SGCG: variants seen among roughly 807,000 people sequenced by gnomAD.
SGCG encodes the protein gamma-sarcoglycan.
In SGCG, 26 loss-of-function variants were observed where a neutral mutation model predicts 29.3. The observed-to-expected ratio is 0.89, with a 90% CI of 0.65 to 1.23. The LOEUF (loss-of-function observed/expected upper bound fraction) is 1.23. SGCG is among the 50% of genes most tolerant of loss of function. SGCG has a pLI of 0.00. For synonymous variants in SGCG, 145 were observed against 129.7 expected (o/e 1.12, Z -0.80); for missense variants, 353 against 356.0 (o/e 0.99, Z 0.07).
At chr13:23,300,195 G>C (rs1411520780) in intron 6 of SGCG, among the ~76,000 whole-genome samples, 1 of 152,178 alleles carries the variant, frequency 6.6e-6, no homozygotes, top group Non-Finnish European at 1.5e-5. Flanking sequence ...TGTGTGGATG[G>C]AAACATTTGC....
At chr13:23,210,692 A>T (rs1420634992) in intron 2 of SGCG, among the ~76,000 whole-genome samples, 1 of 152,208 alleles carries the variant, frequency 6.6e-6, no homozygotes, top group Non-Finnish European at 1.5e-5. Flanking sequence ...CCCCGTCTCA[A>T]AAAATAAAAA....
At chr13:23,281,341 G>GTAA (rs57723057) in intron 5 of SGCG, among the ~76,000 whole-genome samples, 177 of 146,620 alleles carry the variant, frequency 1.2e-3, no homozygotes, top group African/African-American at 2.1e-3. Context: ...CCGTGTCTCA[G>GTAA]TAATAATAAT....
Position 23,274,493 on chromosome 13 carries a change from C to T in SGCG, c.386-4866C>T, listed in dbSNP as rs543930505. ...TCTTGGCTCGCTGCAAGCTCCACCC[C>T]CCAGGTGCAAGCTCCACCCCCCAGG... On this transcript the variant is annotated intron_variant, in intron 4 of 7. Transcript: ENST00000218867. 2.0e-5 allele frequency among the ~76,000 whole-genome samples: 3 copies of T among 149,848 alleles called. No homozygotes were observed. The Admixed American group carries it at 2.0e-4, about 10-fold the overall frequency.
At chr13:23,257,357 C>T (rs1188803825) in intron 4 of SGCG, among the ~76,000 whole-genome samples, 1 of 152,022 alleles carries the variant, frequency 6.6e-6, no homozygotes, top group East Asian at 1.9e-4. Flanking sequence ...CTTTGCTGCA[C>T]CCATTAACTA....
At chr13:23,299,439 TATATATATA>T (rs1391058070) in intron 6 of SGCG, among the ~76,000 whole-genome samples, 527 of 21,188 alleles carry the variant, frequency 0.025, 61 homozygotes, top group African/African-American at 0.062. Flanking sequence ...TATATATATA[TATATATATA>T]TATATATATT....
chr13:23,302,458 T>A (rs563743956), intron 6 of SGCG, among the ~76,000 whole-genome samples: 98 of 152,124 alleles, frequency 6.4e-4, no homozygotes, highest in Non-Finnish European at 1.1e-3. Flanking sequence ...CCCCTCCCTA[T>A]CCTCTCCTCC....
intron 5 of SGCG, among the ~76,000 whole-genome samples, chr13:23,280,780 C>T (rs1322825896): frequency 6.6e-6 from 1 of 152,260 alleles, no homozygotes; most frequent in East Asian, 1.9e-4. Context: ...ATTAAATGTG[C>T]AAAGGACAGC....
chr13:23,313,895 C>T (rs1882696111), intron 6 of SGCG, among the ~76,000 whole-genome samples: 1 of 152,092 alleles, frequency 6.6e-6, no homozygotes, highest in African/African-American at 2.4e-5. Context: ...CAGCTGCCAG[C>T]GAATATAAAG....
intron 4 of SGCG, among the ~76,000 whole-genome samples, chr13:23,264,781 C>G (rs1880575070): frequency 6.6e-6 from 1 of 152,122 alleles, no homozygotes; most frequent in Non-Finnish European, 1.5e-5. Flanking sequence ...GAAGTACTTA[C>G]AACTAATTGA....
Position 23,279,317 on chromosome 13 carries a change from C to T in SGCG, c.386-42C>T, listed in dbSNP as rs765723150. ...TGTAAAAATAGAGATTTGGACACTG[C>T]TTGTAGTGAACAGTTTATAATAAAC... On this transcript the variant is annotated intron_variant, in intron 4 of 7. Coordinates refer to ENST00000218867, the MANE Select transcript of SGCG (RefSeq NM_000231.3). 7.5e-6 allele frequency: 12 copies of T among 1,595,048 alleles called. No homozygotes were observed. The South Asian group carries it at 1.1e-4, about 15-fold the overall frequency.
chr13:23,231,270 G>A (rs1004831950), intron 2 of SGCG, among the ~76,000 whole-genome samples: 2 of 151,160 alleles, frequency 1.3e-5, no homozygotes, highest in African/African-American at 4.9e-5. Context: ...TCTCTGCCAG[G>A]TTTGAGTGTC....
intron 1 of SGCG, among the ~76,000 whole-genome samples, chr13:23,194,351 C>T (rs960322601): frequency 1.3e-5 from 2 of 152,070 alleles, no homozygotes; most frequent in African/African-American, 4.8e-5. Context: ...AGGACTGTTT[C>T]GGGTGCAAGT....
the SGCG span, among the ~76,000 whole-genome samples, chr13:23,171,484 G>T: frequency 6.6e-6 from 1 of 152,178 alleles, no homozygotes; most frequent in African/African-American, 2.4e-5. Context: ...GCCATGTAAT[G>T]TTAATCAGAA....
chr13:23,209,737 A>G (rs1878121330), intron 2 of SGCG, among the ~76,000 whole-genome samples: 1 of 152,224 alleles, frequency 6.6e-6, no homozygotes, highest in Non-Finnish European at 1.5e-5. Flanking sequence ...GGTTCTGAGC[A>G]TATTTAAGGT....
chr13:23,320,031 T>G (rs35841011), intron 6 of SGCG, among the ~76,000 whole-genome samples: 56,929 of 152,156 alleles, frequency 0.37, 11,603 homozygotes, highest in Non-Finnish European at 0.45. Context: ...CCATTTGCCC[T>G]GTAATGTTTT....
At chr13:23,232,718 C>A (rs1393617370) in intron 2 of SGCG, among the ~76,000 whole-genome samples, 1 of 151,942 alleles carries the variant, frequency 6.6e-6, no homozygotes, top group Non-Finnish European at 1.5e-5. Context: ...GGAGGCGGAG[C>A]TTGCAGTGAG....
intron 4 of SGCG, among the ~76,000 whole-genome samples, chr13:23,256,232 G>C (rs1000405314): frequency 2.0e-5 from 3 of 152,076 alleles, no homozygotes; most frequent in Non-Finnish European, 4.4e-5. Context: ...TGAAAAAACA[G>C]GGTTTTATAA....
chr13:23,243,815 T>C (rs1566014472), intron 3 of SGCG: 2 of 152,162 alleles, frequency 1.3e-5, no homozygotes, highest in Admixed American at 6.5e-5. Context: ...CTTTATAAAA[T>C]ACAGGATAAA....
intron 2 of SGCG, among the ~76,000 whole-genome samples, chr13:23,207,164 T>C (rs1565999621): frequency 6.6e-6 from 1 of 152,024 alleles, no homozygotes; most frequent in Non-Finnish European, 1.5e-5. Context: ...AAAAAATCCA[T>C]GCATGTGTGA....
Sources: gnomAD v4.1 joint callset for allele counts (sites outside exome capture counted in the v4.1 genomes callset) on GRCh38, gnomAD v4.1.1 for gene constraint, MANE v1.5 for transcripts, NCBI Gene and HGNC (gene_info 2026-07-23, HGNC 2026-07-21) for gene names.